FAT3: variants seen among roughly 807,000 people sequenced by gnomAD.
FAT3 encodes the protein protocadherin Fat 3.
In FAT3, 95 loss-of-function variants were observed where a neutral mutation model predicts 310.2. The ratio of observed to expected loss-of-function variants is 0.31; its 90% CI spans 0.26 to 0.36. The LOEUF is 0.36. Ranked by LOEUF, FAT3 falls within the 10% of genes least tolerant of loss-of-function variation. The probability of loss-of-function intolerance (pLI) is 1.00; values close to 1 mark genes in which losing one functional copy is unlikely to be tolerated. For missense variants in FAT3, 5,408 were observed against 5,715.6 expected (o/e 0.95, Z 1.74); for synonymous variants, 2,314 against 2,192.9 (o/e 1.06, Z -1.54).
rs1010770691 is a variant in FAT3 at position 92,618,076 on chromosome 11, C to T, written c.3608-79308C>T. 2.0e-5 allele frequency among the ~76,000 whole-genome samples: 3 copies of T among 152,330 alleles called. No individual in the cohort carries two copies. In the South Asian group the frequency reaches 6.2e-4, roughly 32 times the overall value. ...CTTTTGTTCAGCTATGCCCTGCCCC[C>T]AGAGGTGGAGTCTGCAGAAGCAGGC... On this transcript the variant is annotated intron_variant, in intron 3 of 27. Coordinates refer to ENST00000525166, the MANE Select transcript of FAT3 (RefSeq NM_001367949.2).
At chr11:92,833,370 C>T (rs939609520) in intron 14 of FAT3, among the ~76,000 whole-genome samples, 2 of 152,202 alleles carry the variant, frequency 1.3e-5, no homozygotes, top group Admixed American at 1.3e-4. Flanking sequence ...GGTCCATTTT[C>T]CTTTGGGTAG....
chr11:92,648,548 A>G (rs1200228653), intron 3 of FAT3, among the ~76,000 whole-genome samples: 1 of 152,184 alleles, frequency 6.6e-6, no homozygotes, highest in Admixed American at 6.6e-5. Flanking sequence ...GAGCAGAACA[A>G]CACTGCAGTA....
Position 92,792,826 on chromosome 11 carries a change from G to C in FAT3, c.4671G>C (p.Glu1557Asp), listed in dbSNP as rs774248127. ...TGGCCCGAGTCATTGTGAATGTGGA[G>C]GATGCTAATGATCACAGTCCTTATT... ...RNLARVIVNV[E>D]DANDHSPYFT... The change falls in exon 9 of 28, where the codon GAG (glutamate) becomes GAC (aspartate). Residue 1557 changes from glutamate (E) to aspartate (D), a missense_variant. Physicochemically the swap from Glu to Asp is conservative, Grantham distance 45. Coordinates refer to ENST00000525166, the MANE Select transcript of FAT3 (RefSeq NM_001367949.2). 1.9e-6 allele frequency: 3 copies of C among 1,613,862 alleles called. No individual in the cohort carries two copies. The highest frequency in any genetic ancestry group is 1.7e-6 in the Non-Finnish European group (2 of 1,179,788).
chr11:92,628,395 C>T (rs1941414756), intron 3 of FAT3, among the ~76,000 whole-genome samples: 2 of 152,102 alleles, frequency 1.3e-5, no homozygotes, highest in African/African-American at 4.8e-5. Context: ...GTGGAGCAAA[C>T]CTGAAAGCTT....
rs181762574 is a variant in FAT3 at position 92,878,185 on chromosome 11, A to G, written c.12128-2546A>G. ...GAATTCAAAATCTGCAGAGTAAGCC[A>G]GCAGGCTGGAAATTTGGGTAAAATT... On this transcript the variant is annotated intron_variant, in intron 22 of 27. Coordinates refer to ENST00000525166, the MANE Select transcript of FAT3 (RefSeq NM_001367949.2). 1.6e-3 allele frequency among the ~76,000 whole-genome samples: 243 copies of G among 152,302 alleles called. 5 individuals carry two copies. The highest frequency in any genetic ancestry group is 2.1e-4 in the Non-Finnish European group (14 of 68,028).
chr11:92,232,409 C>T (rs1250565333), intron 1 of FAT3, among the ~76,000 whole-genome samples: 4 of 152,054 alleles, frequency 2.6e-5, no homozygotes, highest in Non-Finnish European at 4.4e-5. Flanking sequence ...AAAAATATGC[C>T]TGGAATTGAA....
chr11:92,800,349 A>T lies in FAT3; in HGVS notation c.7336A>T (p.Ser2446Cys), dbSNP rs762738290. 2.5e-6 allele frequency: 4 copies of T among 1,613,918 alleles called. No individual in the cohort carries two copies. The highest frequency in any genetic ancestry group is 3.4e-6 in the Non-Finnish European group (4 of 1,179,904). ...GNDRTSFLMDSKSGVITLSNH... is the reference protein window; with the variant it reads ...GNDRTSFLMDCKSGVITLSNH... ...TGACCGGACGAGCTTTCTGATGGAC[A>T]GCAAGAGTGGAGTTATCACATTGTC... Residue 2446 changes from serine (S) to cysteine (C), a missense_variant, in exon 10 of 28, where the codon AGC becomes TGC. Transcript: ENST00000525166.
At chr11:92,546,916 C>T (rs1954634984) in intron 3 of FAT3, among the ~76,000 whole-genome samples, 1 of 152,110 alleles carries the variant, frequency 6.6e-6, no homozygotes, top group Non-Finnish European at 1.5e-5. Context: ...CTTCAATCAC[C>T]CCAAATGACA....
intron 20 of FAT3, among the ~76,000 whole-genome samples, chr11:92,858,599 A>T (rs1228710624): frequency 6.6e-6 from 1 of 152,266 alleles, no homozygotes; most frequent in Non-Finnish European, 1.5e-5. Flanking sequence ...ACAAAATTTA[A>T]GGGGAGCCTC....
chr11:92,631,353 G>A (rs750623604), intron 3 of FAT3, among the ~76,000 whole-genome samples: 23 of 152,090 alleles, frequency 1.5e-4, no homozygotes, highest in Non-Finnish European at 2.6e-4. Context: ...CAGAATGGAG[G>A]GTGATATGGT....
At chr11:92,809,778 C>T (rs769611774) in intron 12 of FAT3, 65 bp from the exon 13 acceptor site, 5 of 1,273,538 alleles carry the variant, frequency 3.9e-6, no homozygotes, top group Admixed American at 3.8e-5. Context: ...AATTGGTCCT[C>T]TGCTCTCCAA....
At chr11:92,624,686 G>A (rs1941243436) in intron 3 of FAT3, among the ~76,000 whole-genome samples, 1 of 152,176 alleles carries the variant, frequency 6.6e-6, no homozygotes, top group African/African-American at 2.4e-5. Flanking sequence ...TGTGGATTTA[G>A]AGAGAGAGGA....
intron 1 of FAT3, among the ~76,000 whole-genome samples, chr11:92,282,461 T>C (rs1946453598): frequency 6.6e-6 from 1 of 152,050 alleles, no homozygotes; most frequent in Non-Finnish European, 1.5e-5. Flanking sequence ...GGTCAGGCGT[T>C]CGAGACCAGC....
At chr11:92,466,937 AT>A (rs1951778298) in intron 2 of FAT3, among the ~76,000 whole-genome samples, 1 of 151,962 alleles carries the variant, frequency 6.6e-6, no homozygotes, top group Non-Finnish European at 1.5e-5. Context: ...GCTGCATAGT[AT>A]TCCATGGTGT....
chr11:92,765,030 A>G lies in FAT3; in HGVS notation c.4136A>G (p.Glu1379Gly), dbSNP rs770868098. The G allele has an allele frequency of 3.1e-6, 5 of 1,613,724 alleles. No individual in the cohort carries two copies. Among genetic ancestry groups the G allele is most frequent in the Admixed American group, 1.7e-5 (1 of 60,002 alleles). The change falls in exon 6 of 28, where the codon GAA becomes GGA. Residue 1379 changes from glutamate to glycine, a missense_variant. By Grantham distance (98) the Glu-to-Gly change is moderately conservative. Coordinates refer to ENST00000525166, the MANE Select transcript of FAT3 (RefSeq NM_001367949.2). Reference protein sequence around the residue: ...FTVMESDRVTEIVGVVSVQPA... With the variant: ...FTVMESDRVTGIVGVVSVQPA... ...GTCATGGAAAGTGATAGAGTGACTG[A>G]AATTGTAGGGGTGGTGTCTGTGCAG...
intron 3 of FAT3, among the ~76,000 whole-genome samples, chr11:92,614,391 A>G (rs550169980): frequency 6.6e-6 from 1 of 152,286 alleles, no homozygotes; most frequent in East Asian, 1.9e-4. Flanking sequence ...CCATTTCCCA[A>G]CATTTTTATC....
chr11:92,781,666 A>C (rs1391195361), intron 7 of FAT3, among the ~76,000 whole-genome samples: 1 of 152,188 alleles, frequency 6.6e-6, no homozygotes, highest in Non-Finnish European at 1.5e-5. Flanking sequence ...CACTTAACCA[A>C]CTGCTGTCTG....
At chr11:92,802,191 C>T (rs1947379460) in intron 10 of FAT3, among the ~76,000 whole-genome samples, 1 of 152,124 alleles carries the variant, frequency 6.6e-6, no homozygotes, top group Non-Finnish European at 1.5e-5. Flanking sequence ...GGAGTCCAGC[C>T]AAATATCTCA....
chr11:92,323,717 A>G (rs1947689172), intron 1 of FAT3, among the ~76,000 whole-genome samples: 1 of 151,908 alleles, frequency 6.6e-6, no homozygotes, highest in Admixed American at 6.6e-5. Context: ...TAGATTTAGC[A>G]TAATTCTTAA....
Sources: gnomAD v4.1 joint callset for allele counts (sites outside exome capture counted in the v4.1 genomes callset) on GRCh38, gnomAD v4.1.1 for gene constraint, MANE v1.5 for transcripts, NCBI Gene and HGNC (gene_info 2026-07-23, HGNC 2026-07-21) for gene names.